Variants in MBNL2 observed in about 807,000 individuals in gnomAD.
The protein encoded by MBNL2 is muscleblind like splicing regulator 2.
A neutral mutation model predicts 41.9 loss-of-function variants in MBNL2; 17 were observed. That is an observed-to-expected ratio of 0.41 (90% CI 0.28 to 0.61). MBNL2 has a LOEUF of 0.61. MBNL2 is among the 20% of genes least tolerant of loss of function. MBNL2 has a pLI of 0.35. For synonymous variants in MBNL2, 195 were observed against 182.9 expected, an observed-to-expected ratio of 1.07 and a Z score of -0.53; for missense variants, 336 against 505.6, an observed-to-expected ratio of 0.66 and a Z score of 3.22.
At chr13:97,200,350 G>C in the MBNL2 span, among the ~76,000 whole-genome samples, 2 of 152,162 alleles carry the variant, frequency 1.3e-5, no homozygotes, top group African/African-American at 4.8e-5. Flanking sequence ...TAACACTCAG[G>C]ATGCAGGAAA....
chr13:97,365,226 G>T, intron 8 of MBNL2, 55 bp downstream of exon 8: 1 of 1,102,712 alleles, frequency 9.1e-7, no homozygotes, highest in Non-Finnish European at 1.4e-6. Context: ...ACCTTCACTT[G>T]CTTGAAATTT....
chr13:97,330,300 C>A (rs1418023280), intron 2 of MBNL2, among the ~76,000 whole-genome samples: 1 of 152,188 alleles, frequency 6.6e-6, no homozygotes, highest in Non-Finnish European at 1.5e-5. Flanking sequence ...GCCCACCTTA[C>A]TGGCCCTAGC....
chr13:97,340,638 A>G (rs1489141171), intron 3 of MBNL2, among the ~76,000 whole-genome samples: 4 of 152,210 alleles, frequency 2.6e-5, no homozygotes, highest in Non-Finnish European at 5.9e-5. Context: ...ATTAAAGCCC[A>G]GGGAGGTTAA....
rs1318385625 is a variant in MBNL2 at position 97,268,952 on chromosome 13, G to A, written c.-604-6680G>A. Among the ~76,000 whole-genome samples, 4 of 152,180 alleles carry A rather than the reference G, an allele frequency of 2.6e-5. No individual in the cohort carries two copies. Among genetic ancestry groups the A allele is most frequent in the South Asian group, 2.1e-4 (1 of 4,828 alleles). On this transcript the variant is annotated intron_variant, in intron 1 of 8. Transcript: ENST00000679496. The surrounding 1 kb of genome is among the most constrained non-coding windows in gnomAD (Gnocchi z 4.6). The stretch of plus-strand genomic sequence containing the variant: ...AAAGGGAAAGGACGAAGGAGGGGGC[G>A]CTGTTCCGGATGCAGGCCCGTGAGG...
chr13:97,333,672 GC>G (rs1341406512), intron 2 of MBNL2, among the ~76,000 whole-genome samples: 1 of 152,146 alleles, frequency 6.6e-6, no homozygotes. Flanking sequence ...AATGTCTTCA[GC>G]TAATCTGGAA....
At chr13:97,144,122 G>A in the MBNL2 span, among the ~76,000 whole-genome samples, 1 of 152,204 alleles carries the variant, frequency 6.6e-6, no homozygotes, top group Admixed American at 6.5e-5. Context: ...AGGATTACGG[G>A]CATGAGCCAC....
At chr13:97,308,262 A>G (rs2058297906) in intron 2 of MBNL2, among the ~76,000 whole-genome samples, 1 of 152,218 alleles carries the variant, frequency 6.6e-6, no homozygotes, top group Non-Finnish European at 1.5e-5. Flanking sequence ...GTGACTTACA[A>G]TGATTCCAGA....
chr13:97,263,133 A>T (rs139153404), intron 1 of MBNL2, among the ~76,000 whole-genome samples: 2 of 151,984 alleles, frequency 1.3e-5, no homozygotes, highest in Non-Finnish European at 2.9e-5. Context: ...CTCATTCCCA[A>T]TCCCCAAAGA....
chr13:97,337,475 A>C (rs560313770), intron 3 of MBNL2, among the ~76,000 whole-genome samples: 23 of 152,166 alleles, frequency 1.5e-4, no homozygotes, highest in Non-Finnish European at 2.8e-4. Context: ...CCATATGTTG[A>C]GGTTCCAAGA....
At chr13:97,196,890 A>G in the MBNL2 span, among the ~76,000 whole-genome samples, 2 of 152,204 alleles carry the variant, frequency 1.3e-5, no homozygotes, top group African/African-American at 4.8e-5. Flanking sequence ...CAGCCTAGAA[A>G]GATGCAATTT....
Position 97,334,553 on chromosome 13 carries a change from G to T in MBNL2, c.339+113G>T. 1.5e-6 allele frequency: 1 copy of T among 663,232 alleles called. No homozygotes were observed. The highest frequency in any genetic ancestry group is 2.4e-6 in the Non-Finnish European group (1 of 409,030). The allele number at this position is 663,232 out of a possible 1,614,324, so 41.1% of individuals were successfully genotyped here. On this transcript the variant is annotated intron_variant, in intron 3 of 8. Coordinates refer to ENST00000679496, the MANE Select transcript of MBNL2 (RefSeq NM_001382683.1). This position sits in a 1 kb window ranked among gnomAD's most constrained non-coding sequence, Gnocchi z 5.3. ...CTTTGTCACTTTGGTTACAATTAAA[G>T]CAAATAGCTTTAAAGCTCAATAGAT... is the stretch of plus-strand genomic sequence containing the variant.
chr13:97,303,363 G>A (rs1412758939), intron 2 of MBNL2, among the ~76,000 whole-genome samples: 1 of 152,160 alleles, frequency 6.6e-6, no homozygotes, highest in African/African-American at 2.4e-5. Context: ...GGGTGGGGGT[G>A]CCCATAAGCA....
chr13:97,226,166 T>C (rs1253851041), intron 1 of MBNL2, among the ~76,000 whole-genome samples: 1 of 152,196 alleles, frequency 6.6e-6, no homozygotes, highest in East Asian at 1.9e-4. Context: ...CAGTTGTTTA[T>C]GGAGACCAGT....
At chr13:97,171,053 G>A in the MBNL2 span, among the ~76,000 whole-genome samples, 1 of 152,178 alleles carries the variant, frequency 6.6e-6, no homozygotes, top group Non-Finnish European at 1.5e-5. Flanking sequence ...CTCACCCAAA[G>A]TTGTACAGTG....
At chr13:97,340,667 G>A (rs972096241) in intron 3 of MBNL2, among the ~76,000 whole-genome samples, 4 of 152,148 alleles carry the variant, frequency 2.6e-5, no homozygotes, top group African/African-American at 9.7e-5. Flanking sequence ...CCAGGTTAAT[G>A]AGTAGTAAGT....
intron 1 of MBNL2, among the ~76,000 whole-genome samples, chr13:97,222,756 T>G (rs2041000996): frequency 6.6e-6 from 1 of 152,226 alleles, no homozygotes; most frequent in Non-Finnish European, 1.5e-5. Flanking sequence ...ATCGAGTTTT[T>G]ATGCAAAGAA....
At position 97,329,470 on chromosome 13, in the gene MBNL2, T is replaced by C. The variant is rs1426428502; in HGVS notation, c.175-4806T>C. Among the ~76,000 whole-genome samples, 3 of 151,978 alleles carry C rather than the reference T, an allele frequency of 2.0e-5. No homozygotes were observed. In the East Asian group the frequency reaches 5.8e-4, roughly 29 times the overall value. On this transcript the variant is annotated intron_variant, in intron 2 of 8. Coordinates refer to ENST00000679496, the MANE Select transcript of MBNL2 (RefSeq NM_001382683.1). ...TTGGCTCGTCTCCCATTGTGTGGCTTCTTCCTGCTTCACCTCTTCTCACTC... is the reference window on the plus strand; with the variant it reads ...TTGGCTCGTCTCCCATTGTGTGGCTCCTTCCTGCTTCACCTCTTCTCACTC...
At chr13:97,248,452 G>A (rs2045913098) in intron 1 of MBNL2, among the ~76,000 whole-genome samples, 1 of 152,174 alleles carries the variant, frequency 6.6e-6, no homozygotes, top group Non-Finnish European at 1.5e-5. Flanking sequence ...ATATTTCATA[G>A]TCATGGTTGA....
chr13:97,262,454 T>G (rs996534373), intron 1 of MBNL2, among the ~76,000 whole-genome samples: 3 of 152,208 alleles, frequency 2.0e-5, no homozygotes, highest in Non-Finnish European at 4.4e-5. Flanking sequence ...CTTTTGTCGC[T>G]TTCTTTTTCT....
Sources: allele counts gnomAD v4.1 joint callset (sites outside exome capture counted in the v4.1 genomes callset), GRCh38; gene constraint gnomAD v4.1.1; non-coding constraint Gnocchi (gnomAD v3.1); transcripts MANE v1.5; gene names NCBI Gene and HGNC (gene_info 2026-07-23, HGNC 2026-07-21).